ZEB1: variants seen among roughly 807,000 people sequenced by gnomAD.
ZEB1 encodes zinc finger E-box-binding homeobox 1.
In ZEB1, 21 loss-of-function variants were observed where a neutral mutation model predicts 84.9. The ratio of observed to expected loss-of-function variants is 0.25; its 90% CI spans 0.18 to 0.36. ZEB1 has a LOEUF of 0.36. Ranked by LOEUF, ZEB1 falls within the 10% of genes least tolerant of loss-of-function variation. ZEB1 has a pLI of 1.00. For synonymous variants in ZEB1, 420 were observed against 471.1 expected (o/e 0.89, Z 1.41); for missense variants, 1,104 against 1,330.2 (o/e 0.83, Z 2.65).
chr10:31,374,482 A>C (rs2046257903), intron 1 of ZEB1, among the ~76,000 whole-genome samples: 1 of 151,894 alleles, frequency 6.6e-6, no homozygotes, highest in African/African-American at 2.4e-5. Flanking sequence ...AGGTGCTGAG[A>C]ATAAAATGGT....
chr10:31,402,782 A>T (rs564278105), intron 1 of ZEB1, among the ~76,000 whole-genome samples: 2 of 152,176 alleles, frequency 1.3e-5, no homozygotes, highest in South Asian at 2.1e-4. Flanking sequence ...CTGACTCCTG[A>T]AATGCTTGAC....
At chr10:31,363,733 A>G in intron 1 of ZEB1, 1 of 1,193,438 alleles carries the variant, frequency 8.4e-7, no homozygotes, top group South Asian at 1.3e-5. Context: ...AGGAGACAGC[A>G]CGGGTTTCTT....
chr10:31,356,593 C>T (rs989665794), intron 1 of ZEB1, among the ~76,000 whole-genome samples: 5 of 152,058 alleles, frequency 3.3e-5, no homozygotes, highest in African/African-American at 7.2e-5. Flanking sequence ...TTAAAAGATG[C>T]CGGAGGAAAC....
rs1430307116 is a variant in ZEB1 at position 31,383,461 on chromosome 10, G to A, written c.58+64169G>A. Among the ~76,000 whole-genome samples the A allele has an allele frequency of 2.0e-5, 3 of 152,106 alleles. No homozygotes were observed. The East Asian group carries it at 5.8e-4, about 29-fold the overall frequency. On this transcript the variant is annotated intron_variant, in intron 1 of 8. Transcript: ENST00000424869. ...ATTTATATGCCATGATTACAAGTAT[G>A]TACATAACTAAATGTACGTATGGAA... is the stretch of plus-strand genomic sequence containing the variant.
intron 2 of ZEB1, among the ~76,000 whole-genome samples, chr10:31,466,675 C>T (rs967699000): frequency 6.6e-6 from 1 of 152,000 alleles, no homozygotes; most frequent in Non-Finnish European, 1.5e-5. Flanking sequence ...CTTAAATAAA[C>T]AACTTAATAT....
At chr10:31,367,903 A>G (rs1017222011) in intron 1 of ZEB1, among the ~76,000 whole-genome samples, 1 of 152,090 alleles carries the variant, frequency 6.6e-6, no homozygotes. Flanking sequence ...ATTTTTAAAT[A>G]ATTACACTTT....
chr10:31,492,373 T>C (rs76123017), intron 2 of ZEB1, among the ~76,000 whole-genome samples: 2,460 of 152,036 alleles, frequency 0.016, 64 homozygotes, highest in African/African-American at 0.057. Flanking sequence ...TTTGCCCAAT[T>C]GTAGGATACT....
chr10:31,321,197 T>G (rs1480477414), intron 1 of ZEB1: 1 of 1,091,690 alleles, frequency 9.2e-7, no homozygotes, highest in Non-Finnish European at 1.1e-6. Context: ...CAATTTTAGA[T>G]TTTGTGTGGG....
intron 3 of ZEB1, among the ~76,000 whole-genome samples, chr10:31,497,114 ATATT>A (rs2067352774): frequency 6.6e-6 from 1 of 152,190 alleles, no homozygotes; most frequent in Middle Eastern, 3.4e-3. Context: ...AATATGTAAA[ATATT>A]TAAGCTGGAC....
chr10:31,473,746 C>T (rs1333426693), intron 2 of ZEB1, among the ~76,000 whole-genome samples: 11 of 149,314 alleles, frequency 7.4e-5, no homozygotes, highest in East Asian at 3.9e-4. Flanking sequence ...GAGCCTGCAT[C>T]GCCAAGTCAA....
At chr10:31,516,538 G>C (rs1182824300) in intron 6 of ZEB1, among the ~76,000 whole-genome samples, 1 of 42,234 alleles carries the variant, frequency 2.4e-5, no homozygotes, top group African/African-American at 1.2e-4. Flanking sequence ...GTGTCTGTAA[G>C]TAAAAAAAAA....
At chr10:31,488,276 T>C (rs2066005644) in intron 2 of ZEB1, among the ~76,000 whole-genome samples, 1 of 151,232 alleles carries the variant, frequency 6.6e-6, no homozygotes, top group African/African-American at 2.4e-5. Flanking sequence ...GGTTTTGTAT[T>C]CATCTTGGAT....
At chr10:31,330,059 C>A (rs1243003764) in intron 1 of ZEB1, among the ~76,000 whole-genome samples, 1 of 152,052 alleles carries the variant, frequency 6.6e-6, no homozygotes, top group Non-Finnish European at 1.5e-5. Context: ...GAGTTTAATT[C>A]ATAATTTTAT....
At chr10:31,482,073 A>T (rs937529966) in intron 2 of ZEB1, among the ~76,000 whole-genome samples, 1 of 152,096 alleles carries the variant, frequency 6.6e-6, no homozygotes, top group Non-Finnish European at 1.5e-5. Flanking sequence ...TAAGAGAAAC[A>T]TCACAACTGG....
chr10:31,399,669 A>C (rs1169681996), intron 1 of ZEB1, among the ~76,000 whole-genome samples: 1 of 152,186 alleles, frequency 6.6e-6, no homozygotes, highest in Non-Finnish European at 1.5e-5. Context: ...TATAGCAGGT[A>C]AAGTAGTTAT....
At chr10:31,408,098 C>G (rs1271901935) in intron 1 of ZEB1, among the ~76,000 whole-genome samples, 6 of 150,424 alleles carry the variant, frequency 4.0e-5, no homozygotes, top group Non-Finnish European at 8.9e-5. Context: ...TATATGCCAA[C>G]AACAGACAAA....
intron 1 of ZEB1, among the ~76,000 whole-genome samples, chr10:31,379,061 A>G (rs2047181645): frequency 6.6e-6 from 1 of 152,082 alleles, no homozygotes; most frequent in African/African-American, 2.4e-5. Flanking sequence ...TATGTTTGGC[A>G]CAGTGAGGCT....
chr10:31,472,871 G>T (rs2063475305), intron 2 of ZEB1, among the ~76,000 whole-genome samples: 2 of 128,596 alleles, frequency 1.6e-5, no homozygotes, highest in Non-Finnish European at 3.0e-5. Flanking sequence ...TGATCAAGTG[G>T]GCTTCATCCC....
intron 1 of ZEB1, among the ~76,000 whole-genome samples, chr10:31,378,558 A>G (rs924770177): frequency 2.0e-5 from 3 of 151,514 alleles, no homozygotes; most frequent in Non-Finnish European, 4.4e-5. Flanking sequence ...TATTAAATAT[A>G]TAATATTAAA....
Sources: allele counts gnomAD v4.1 joint callset (sites outside exome capture counted in the v4.1 genomes callset), GRCh38; gene constraint gnomAD v4.1.1; transcripts MANE v1.5; gene names NCBI Gene and HGNC (gene_info 2026-07-23, HGNC 2026-07-21).